SLC24A3: variants seen among roughly 807,000 people sequenced by gnomAD.
SLC24A3 encodes solute carrier family 24 member 3.
In SLC24A3, 28 loss-of-function variants were observed where a neutral mutation model predicts 75.8. That is an observed-to-expected ratio of 0.37 (90% CI 0.27 to 0.51). The LOEUF (loss-of-function observed/expected upper bound fraction) is 0.51, where lower values mean the gene tolerates loss of function less well. SLC24A3 is among the 20% of genes least tolerant of loss of function. The pLI is 0.94. For missense variants in SLC24A3, 663 were observed against 847.8 expected (o/e 0.78, Z 2.71); for synonymous variants, 372 against 334.1 (o/e 1.11, Z -1.24).
intron 2 of SLC24A3, among the ~76,000 whole-genome samples, chr20:19,514,625 G>T (rs979846493): frequency 6.6e-6 from 1 of 152,190 alleles, no homozygotes; most frequent in Non-Finnish European, 1.5e-5. Flanking sequence ...ACCACAGGAG[G>T]CTTCATAAAG....
intron 3 of SLC24A3, among the ~76,000 whole-genome samples, chr20:19,557,909 G>A (rs374496972): frequency 1.3e-5 from 2 of 152,154 alleles, no homozygotes; most frequent in South Asian, 2.1e-4. Context: ...ATAGTTGTTA[G>A]CAATAATATC....
chr20:19,389,751 A>G (rs1312102497), intron 2 of SLC24A3, among the ~76,000 whole-genome samples: 3 of 152,172 alleles, frequency 2.0e-5, no homozygotes, highest in African/African-American at 4.8e-5. Context: ...TTTGGAATTT[A>G]TATATCTGAA....
intron 1 of SLC24A3, among the ~76,000 whole-genome samples, chr20:19,235,840 C>T (rs1364240640): frequency 6.6e-6 from 1 of 152,216 alleles, no homozygotes; most frequent in East Asian, 1.9e-4. Flanking sequence ...CCTGGAGCCT[C>T]CAGATTTCTG....
chr20:19,248,853 C>G (rs1009643197), intron 1 of SLC24A3, among the ~76,000 whole-genome samples: 2 of 150,432 alleles, frequency 1.3e-5, no homozygotes, highest in African/African-American at 4.9e-5. Context: ...CATGGATGAA[C>G]CTAGAGGATA....
At chr20:19,467,939 A>G (rs1004080830) in intron 2 of SLC24A3, among the ~76,000 whole-genome samples, 1 of 151,992 alleles carries the variant, frequency 6.6e-6, no homozygotes, top group African/African-American at 2.4e-5. Flanking sequence ...AGCAGAGGTA[A>G]CCAAGATGGA....
At chr20:19,499,821 CTACA>C (rs546827402) in intron 2 of SLC24A3, among the ~76,000 whole-genome samples, 29 of 152,202 alleles carry the variant, frequency 1.9e-4, no homozygotes, top group Middle Eastern at 3.4e-3. Context: ...CACATGGATG[CTACA>C]TACATACATA....
chr20:19,693,187 A>G, intron 12 of SLC24A3, 72 bp from the exon 13 acceptor site: 1 of 1,494,836 alleles, frequency 6.7e-7, no homozygotes, highest in Non-Finnish European at 9.0e-7. Context: ...TTGGCAGAGC[A>G]AAGAAATAAA....
intron 2 of SLC24A3, among the ~76,000 whole-genome samples, chr20:19,380,485 T>C (rs968588369): frequency 1.2e-4 from 19 of 152,202 alleles, no homozygotes; most frequent in Admixed American, 1.2e-3. Context: ...ATTTACATTT[T>C]GGAAAGGTCT....
At chr20:19,331,465 TAA>T (rs1984998342) in intron 2 of SLC24A3, among the ~76,000 whole-genome samples, 1 of 149,806 alleles carries the variant, frequency 6.7e-6, no homozygotes, top group Non-Finnish European at 1.5e-5. Context: ...TAGAGAGAGA[TAA>T]TAGATAGAGA....
chr20:19,685,393 G>T (rs375042541), intron 12 of SLC24A3, 32 bp downstream of exon 12: 97 of 1,604,080 alleles, frequency 6.0e-5, no homozygotes, highest in Non-Finnish European at 1.2e-5. Flanking sequence ...CTGGGGTTGG[G>T]AGCTATTTTG....
intron 1 of SLC24A3, among the ~76,000 whole-genome samples, chr20:19,245,694 A>G (rs1982467301): frequency 6.6e-6 from 1 of 152,182 alleles, no homozygotes; most frequent in Admixed American, 6.5e-5. Flanking sequence ...AGTTGATTTA[A>G]GAGCAAAACA....
chr20:19,534,497 A>G (rs1479000139), intron 3 of SLC24A3, among the ~76,000 whole-genome samples: 1 of 151,650 alleles, frequency 6.6e-6, no homozygotes, highest in Non-Finnish European at 1.5e-5. Context: ...TGCAACCTCT[A>G]TCTCCCAGAT....
At chr20:19,717,701 C>G in intron 16 of SLC24A3, 108 bp downstream of exon 16, 2 of 1,135,568 alleles carry the variant, frequency 1.8e-6, no homozygotes, top group Non-Finnish European at 1.3e-6. Context: ...GTACAAGCAA[C>G]CTCCTTGTCC....
chr20:19,307,934 C>G (rs1025946081), intron 2 of SLC24A3, among the ~76,000 whole-genome samples: 2 of 152,162 alleles, frequency 1.3e-5, no homozygotes, highest in African/African-American at 2.4e-5. Flanking sequence ...GCTAACTCAG[C>G]ACAGGAGGAT....
At chr20:19,536,628 C>T (rs1232413807) in intron 3 of SLC24A3, among the ~76,000 whole-genome samples, 3 of 152,198 alleles carry the variant, frequency 2.0e-5, no homozygotes, top group East Asian at 3.8e-4. Flanking sequence ...TCAAACTATA[C>T]TACAAGGCTG....
At chr20:19,692,335 A>T (rs1180059315) in intron 12 of SLC24A3, among the ~76,000 whole-genome samples, 1 of 152,188 alleles carries the variant, frequency 6.6e-6, no homozygotes, top group Non-Finnish European at 1.5e-5. Context: ...AACAATGTTC[A>T]TAGTCACCTG....
intron 3 of SLC24A3, among the ~76,000 whole-genome samples, chr20:19,572,773 G>C (rs879732544): frequency 2.6e-5 from 4 of 152,130 alleles, no homozygotes; most frequent in Admixed American, 1.3e-4. Flanking sequence ...TCAATGAATG[G>C]TTCCAGAACA....
intron 6 of SLC24A3, among the ~76,000 whole-genome samples, chr20:19,617,850 G>C (rs538414181): frequency 2.0e-4 from 31 of 152,188 alleles, no homozygotes; most frequent in Non-Finnish European, 1.5e-5. Flanking sequence ...CAGACGAGGC[G>C]GCATGTTACA....
At chr20:19,345,562 A>G (rs576598435) in intron 2 of SLC24A3, among the ~76,000 whole-genome samples, 33 of 152,340 alleles carry the variant, frequency 2.2e-4, no homozygotes, top group African/African-American at 7.2e-4. Flanking sequence ...AATATCCAGA[A>G]TCTACAAAGA....
Sources: allele counts gnomAD v4.1 joint callset (sites outside exome capture counted in the v4.1 genomes callset), GRCh38; gene constraint gnomAD v4.1.1; transcripts MANE v1.5; gene names NCBI Gene and HGNC (gene_info 2026-07-23, HGNC 2026-07-21).